The following MTPN variants were observed in gnomAD, a reference collection of about 807,000 sequenced individuals.
MTPN encodes the protein granule cell differentiation protein.
MTPN carries 2 observed loss-of-function variants against 13.5 expected under a neutral mutation model. That is an observed-to-expected ratio of 0.15 (90% CI 0.06 to 0.47). MTPN has a LOEUF of 0.47. Ranked by LOEUF, MTPN falls within the 20% of genes least tolerant of loss-of-function variation. The pLI is 0.97. For missense variants in MTPN, 79 were observed against 137.9 expected, an observed-to-expected ratio of 0.57 and a Z score of 2.14; for synonymous variants, 46 against 51.7, an observed-to-expected ratio of 0.89 and a Z score of 0.48.
Position 135,937,370 on chromosome 7 carries a change from T to TACACAC in MTPN, c.271-7364_271-7359dup, listed in dbSNP as rs35704525. Among the ~76,000 whole-genome samples, 686 of 144,484 alleles carry TACACAC rather than the reference T, an allele frequency of 4.7e-3. 3 individuals are homozygous for TACACAC. Among genetic ancestry groups the TACACAC allele is most frequent in the Non-Finnish European group, 6.2e-3 (408 of 65,436 alleles). The allele number at this position is 144,484 out of a possible 152,430, so 94.8% of individuals were successfully genotyped here. On this transcript the variant is annotated intron_variant, in intron 3 of 3. Coordinates refer to ENST00000393085, the MANE Select transcript of MTPN (RefSeq NM_145808.4). ...TATAGATCTCCAAGTGCTAACTGGA[T>TACACAC]ACACACACACACACACACACACACA... is the stretch of plus-strand genomic sequence containing the variant.
chr7:135,933,245 A>G (rs1346943438), intron 3 of MTPN, among the ~76,000 whole-genome samples: 3 of 151,920 alleles, frequency 2.0e-5, no homozygotes, highest in East Asian at 3.9e-4. Context: ...ACTCATGCTG[A>G]TATTTGAGCT....
chr7:135,927,333 C>T lies in MTPN; in HGVS notation c.*2593G>A, dbSNP rs778112516. On this transcript the variant is annotated 3_prime_UTR_variant, in exon 4 of 4. Transcript: ENST00000393085. The stretch of plus-strand genomic sequence containing the variant: ...GGGATATTCAAGTGCTGTATTTGAA[C>T]GATAAGCCTATAGATAACAGTCTGA... 4.0e-5 allele frequency: 62 copies of T among 1,550,962 alleles called. No individual in the cohort carries two copies. In the East Asian group the frequency reaches 4.4e-4, roughly 11 times the overall value.
At chr7:135,931,575 T>C (rs1256468154) in intron 3 of MTPN, among the ~76,000 whole-genome samples, 2 of 152,188 alleles carry the variant, frequency 1.3e-5, no homozygotes, top group Non-Finnish European at 2.9e-5. Flanking sequence ...GAGACGTCAG[T>C]GCGTGAGAAC....
intron 1 of MTPN, among the ~76,000 whole-genome samples, chr7:135,952,716 C>G (rs980973192): frequency 6.6e-6 from 1 of 152,182 alleles, no homozygotes; most frequent in African/African-American, 2.4e-5. Flanking sequence ...AATCCCAGCA[C>G]TTTGGGAGGC....
intron 1 of MTPN, among the ~76,000 whole-genome samples, chr7:135,952,142 G>C (rs1028922061): frequency 1.3e-5 from 2 of 152,180 alleles, no homozygotes; most frequent in Admixed American, 1.3e-4. Flanking sequence ...ACAGTAGGAA[G>C]ACAGTGGTCA....
intron 1 of MTPN, among the ~76,000 whole-genome samples, chr7:135,955,248 G>GA (rs1031044842): frequency 6.6e-6 from 1 of 151,474 alleles, no homozygotes; most frequent in African/African-American, 2.4e-5. Flanking sequence ...TAAGAAACTA[G>GA]AAAAAAAATT....
rs1011415836 is a variant in MTPN at position 135,927,442 on chromosome 7, T to C, written c.*2484A>G. 2.6e-6 allele frequency: 4 copies of C among 1,535,066 alleles called. No individual in the cohort carries two copies. Among genetic ancestry groups the C allele is most frequent in the Non-Finnish European group, 2.6e-6 (3 of 1,140,464 alleles). On this transcript the variant is annotated 3_prime_UTR_variant, in exon 4 of 4. Coordinates refer to ENST00000393085, the MANE Select transcript of MTPN (RefSeq NM_145808.4). The stretch of plus-strand genomic sequence containing the variant: ...CTTGATATAGTGCATATGAAATGAC[T>C]GATTTAATACAAAACTACAGAACAT...
intron 1 of MTPN, among the ~76,000 whole-genome samples, chr7:135,970,681 C>T (rs1799680051): frequency 1.3e-5 from 2 of 151,912 alleles, no homozygotes; most frequent in Admixed American, 1.3e-4. Flanking sequence ...AATCTCAAAC[C>T]AAAACACTTT....
chr7:135,950,707 C>A, intron 2 of MTPN, 25 bp from the exon 3 acceptor site: 2 of 1,520,566 alleles, frequency 1.3e-6, no homozygotes, highest in Non-Finnish European at 1.8e-6. Context: ...ACAGAGATAA[C>A]TTTATCTGTT....
At chr7:135,936,787 C>T (rs1182818240) in intron 3 of MTPN, among the ~76,000 whole-genome samples, 1 of 152,152 alleles carries the variant, frequency 6.6e-6, no homozygotes, top group African/African-American at 2.4e-5. Flanking sequence ...AAAAAGGTTG[C>T]TATGGCCAAG....
intron 1 of MTPN, among the ~76,000 whole-genome samples, chr7:135,965,864 T>G (rs1457675188): frequency 6.6e-6 from 1 of 152,100 alleles, no homozygotes; most frequent in African/African-American, 2.4e-5. Flanking sequence ...TAAACCAACT[T>G]TGAAAACAAC....
chr7:135,968,609 T>C (rs1043821268), intron 1 of MTPN, among the ~76,000 whole-genome samples: 1 of 152,158 alleles, frequency 6.6e-6, no homozygotes, highest in Admixed American at 6.5e-5. Context: ...ACACTTCCTC[T>C]GTTTTGAATC....
At chr7:135,973,443 C>T (rs1393348241) in intron 1 of MTPN, among the ~76,000 whole-genome samples, 1 of 151,074 alleles carries the variant, frequency 6.6e-6, no homozygotes, top group Non-Finnish European at 1.5e-5. Flanking sequence ...GTCATGATAC[C>T]ATTAGTGAAA....
intron 1 of MTPN, among the ~76,000 whole-genome samples, chr7:135,975,118 G>A (rs1799753134): frequency 6.6e-6 from 1 of 152,056 alleles, no homozygotes; most frequent in South Asian, 2.1e-4. Context: ...AACAGGCTAC[G>A]GTAGTAATAT....
chr7:135,962,969 T>C (rs1256248338), intron 1 of MTPN, among the ~76,000 whole-genome samples: 1 of 152,032 alleles, frequency 6.6e-6, no homozygotes, highest in Non-Finnish European at 1.5e-5. Flanking sequence ...AAGGTATAGG[T>C]ACATACTGTA....
intron 1 of MTPN, among the ~76,000 whole-genome samples, chr7:135,966,815 C>T (rs1184807977): frequency 1.3e-5 from 2 of 152,108 alleles, no homozygotes; most frequent in East Asian, 3.9e-4. Context: ...GCTTTTGTTG[C>T]GGTGAGCACC....
At chr7:135,939,589 C>G (rs868134013) in intron 3 of MTPN, among the ~76,000 whole-genome samples, 747 of 4,156 alleles carry the variant, frequency 0.18, 8 homozygotes, top group Middle Eastern at 0.4. Context: ...GGGGGGGGGG[C>G]GGGTGCGTGG....
intron 1 of MTPN, among the ~76,000 whole-genome samples, chr7:135,961,046 G>A (rs1191311934): frequency 6.6e-6 from 1 of 152,014 alleles, no homozygotes; most frequent in Non-Finnish European, 1.5e-5. Context: ...AATTTGTACC[G>A]AAGTCAGTAG....
chr7:135,977,124 G>A lies in MTPN; in HGVS notation c.-24C>T, dbSNP rs1459138881. The stretch of plus-strand genomic sequence containing the variant: ...ATCACTGCAGCGGGGCAGGCCGGTT[G>A]GCCGGGCAGAAGATGAGGAGGCGGT... On this transcript the variant is annotated 5_prime_UTR_variant, in exon 1 of 4. Transcript: ENST00000393085. 1 of 1,613,700 alleles carries A rather than the reference G, an allele frequency of 6.2e-7. No homozygotes were observed. The highest frequency in any genetic ancestry group is 8.5e-7 in the Non-Finnish European group (1 of 1,179,766).
Sources: allele counts gnomAD v4.1 joint callset (sites outside exome capture counted in the v4.1 genomes callset), GRCh38; gene constraint gnomAD v4.1.1; transcripts MANE v1.5; gene names NCBI Gene and HGNC (gene_info 2026-07-23, HGNC 2026-07-21).